The following EIF3C variants were observed in gnomAD, a reference collection of about 807,000 sequenced individuals.
EIF3C encodes eukaryotic translation initiation factor 3 subunit C.
A neutral mutation model predicts 11.1 loss-of-function variants in EIF3C; 2 were observed. The observed-to-expected ratio is 0.18, with a 90% CI of 0.07 to 0.57. The LOEUF (loss-of-function observed/expected upper bound fraction) is 0.57. Among genes scored for constraint, EIF3C ranks in the 20% least tolerant of loss-of-function variants. The pLI, the probability that EIF3C is intolerant of heterozygous loss-of-function variation, is 0.92. For missense variants in EIF3C, 16 were observed against 114.6 expected (o/e 0.14, Z 3.93); for synonymous variants, 2 against 41.5 (o/e 0.05, Z 3.66).
At chr16:28,694,457 G>A (rs2151784696) in intron 1 of EIF3C, among the ~76,000 whole-genome samples, 1 of 150,946 alleles carries the variant, frequency 6.6e-6, no homozygotes, top group East Asian at 1.9e-4. Flanking sequence ...AGGTGGGAGA[G>A]ATTACAGTCA....
At chr16:28,700,387 G>A in intron 1 of EIF3C, 1 of 382,228 alleles carries the variant, frequency 2.6e-6, no homozygotes, top group Admixed American at 2.4e-5. Context: ...GCTGACCTCA[G>A]AGTTGGGGAC....
intron 1 of EIF3C, among the ~76,000 whole-genome samples, chr16:28,698,220 C>T (rs2048253540): frequency 1.6e-5 from 2 of 124,450 alleles, no homozygotes; most frequent in African/African-American, 6.2e-5. Context: ...AGGCGCCCCT[C>T]ACCTCCCGGA....
chr16:28,728,441 CTCTTTTAGGGGGTGTGTGTGTA>C (rs1567345930), intron 15 of EIF3C, among the ~76,000 whole-genome samples: 2 of 39,094 alleles, frequency 5.1e-5, no homozygotes, highest in African/African-American at 1.5e-4. Context: ...GTGTGTGTGT[CTCTTTTAGGGGGTGTGTGTGTA>C]TCTTTTAGGG....
intron 1 of EIF3C, among the ~76,000 whole-genome samples, chr16:28,691,106 C>T (rs1354739843): frequency 7.4e-5 from 1 of 13,596 alleles, no homozygotes; most frequent in East Asian, 2.3e-3. Flanking sequence ...ACCCAGGAGA[C>T]GGAGCTTGCA....
intron 1 of EIF3C, among the ~76,000 whole-genome samples, chr16:28,698,691 G>A (rs1338834355): frequency 2.8e-3 from 133 of 46,756 alleles, no homozygotes; most frequent in Middle Eastern, 0.016. Context: ...CAGCTGCCGG[G>A]CGGAGGGGCT....
At chr16:28,722,837 G>C (rs2048345140) in intron 8 of EIF3C, 1 of 412,118 alleles carries the variant, frequency 2.4e-6, no homozygotes, top group African/African-American at 2.2e-5. Flanking sequence ...CTACAGGCGT[G>C]CACCACCATG....
At chr16:28,697,990 C>T (rs1282489631) in intron 1 of EIF3C, among the ~76,000 whole-genome samples, 8 of 20,974 alleles carry the variant, frequency 3.8e-4, no homozygotes, top group Admixed American at 4.2e-4. Context: ...GCTGGCCGGG[C>T]GGGGGGGCTG....
In EIF3C at chr16:28,696,093, G is replaced by A. The variant is rs1304977011; in HGVS notation, c.-31+7265G>A. ...TCAAAGACTTACAAGGGGCCAGGTG[G>A]GGTGGCTCAGGCCTGTAATCCTAGC... On this transcript the variant is annotated intron_variant, in intron 1 of 20. Coordinates refer to the EIF3C transcript ENST00000566501. Among the ~76,000 whole-genome samples, 3 of 51,786 alleles carry A rather than the reference G, an allele frequency of 5.8e-5. 1 individual carries two copies. Among genetic ancestry groups the A allele is most frequent in the Non-Finnish European group, 7.0e-5 (2 of 28,654 alleles). 34.0% of individuals were successfully genotyped at this position (51,786 alleles called of 152,430 possible).
intron 1 of EIF3C, among the ~76,000 whole-genome samples, chr16:28,691,152 G>C (rs866260752): frequency 0.14 from 3,353 of 23,968 alleles, 997 homozygotes; most frequent in Non-Finnish European, 0.17. Context: ...TCCAGCCTGG[G>C]CAACAGAGCA....
At chr16:28,728,530 G>T (rs1227067470) in intron 15 of EIF3C, among the ~76,000 whole-genome samples, 1 of 120,202 alleles carries the variant, frequency 8.3e-6, no homozygotes, top group Non-Finnish European at 1.9e-5. Flanking sequence ...GGGTGTGTGT[G>T]TGTGTGTGTG....
chr16:28,699,345 G>C (rs1428427137), intron 1 of EIF3C, among the ~76,000 whole-genome samples: 2 of 70,796 alleles, frequency 2.8e-5, no homozygotes, highest in African/African-American at 6.8e-5. Context: ...GCCTGCAATC[G>C]CAGGCACTCG....
Position 28,700,289 on chromosome 16 carries a change from G to C in EIF3C, c.-30-11368G>C, listed in dbSNP as rs368655248. On this transcript the variant is annotated intron_variant, in intron 1 of 20. Transcript: ENST00000566501. ...CACACAGGTGGCAGCTGCAGCTGGG[G>C]TGGGTCACGCACTGACATCCCCGCC... is the stretch of plus-strand genomic sequence containing the variant. 2.1e-5 allele frequency: 6 copies of C among 288,384 alleles called. 2 individuals are homozygous for C. The highest frequency in any genetic ancestry group is 2.6e-4 in the East Asian group (2 of 7,612). The allele number at this position is 288,384 out of a possible 1,614,324, so 17.9% of individuals were successfully genotyped here. A position where few individuals can be genotyped will look rare whatever the true frequency, so the allele number is the denominator to read the frequency against.
At chr16:28,691,935 C>G (rs1316584544) in intron 1 of EIF3C, among the ~76,000 whole-genome samples, 1 of 145,192 alleles carries the variant, frequency 6.9e-6, no homozygotes, top group African/African-American at 2.6e-5. Flanking sequence ...CCTAAGGTTA[C>G]TTCCCTAAGA....
At chr16:28,698,463 G>A (rs1567341351) in intron 1 of EIF3C, among the ~76,000 whole-genome samples, 1 of 62,864 alleles carries the variant, frequency 1.6e-5, no homozygotes, top group African/African-American at 1.5e-4. Flanking sequence ...CGGATGGCAC[G>A]GCTGGCCAGG....
In EIF3C at chr16:28,697,188, T is replaced by C. The variant is rs1194932118; in HGVS notation, c.-31+8360T>C. Among the ~76,000 whole-genome samples the C allele has an allele frequency of 5.5e-5, 2 of 36,626 alleles. 1 individual carries two copies. The highest frequency in any genetic ancestry group is 9.1e-5 in the Non-Finnish European group (2 of 22,022). 24.0% of individuals were successfully genotyped at this position (36,626 alleles called of 152,430 possible). On this transcript the variant is annotated intron_variant, in intron 1 of 20. Coordinates refer to the EIF3C transcript ENST00000566501. ...AAGTGCAAACTTTATTTGAGTTTTT[T>C]TTTTTTTAATTTATTTTTTTATTGA...
chr16:28,697,992 G>GA (rs1464282915), intron 1 of EIF3C, among the ~76,000 whole-genome samples: 2 of 65,854 alleles, frequency 3.0e-5, no homozygotes, highest in East Asian at 5.9e-4. Flanking sequence ...TGGCCGGGCG[G>GA]GGGGGCTGAC....
At chr16:28,698,558 G>T (rs1330195204) in intron 1 of EIF3C, among the ~76,000 whole-genome samples, 2 of 96,934 alleles carry the variant, frequency 2.1e-5, no homozygotes, top group Non-Finnish European at 3.7e-5. Flanking sequence ...CTCCCGGACG[G>T]GGTGGCTGCC....
intron 1 of EIF3C, among the ~76,000 whole-genome samples, chr16:28,698,103 G>A (rs1423209703): frequency 3.6e-4 from 32 of 88,886 alleles, no homozygotes; most frequent in African/African-American, 1.5e-3. Flanking sequence ...CCTCCCGGAC[G>A]GGGCGGCTGG....
chr16:28,713,417 GTC>G, intron 2 of EIF3C: 1 of 444 alleles, frequency 2.3e-3, no homozygotes, highest in East Asian at 0.013. Context: ...GGTGACTTGT[GTC>G]TCTATGTCAT....
Sources: allele counts gnomAD v4.1 joint callset (sites outside exome capture counted in the v4.1 genomes callset), GRCh38; gene constraint gnomAD v4.1.1; transcripts MANE v1.5; gene names NCBI Gene and HGNC (gene_info 2026-07-23, HGNC 2026-07-21).